CHODL: variants seen among roughly 807,000 people sequenced by gnomAD.
CHODL encodes chondrolectin, also known as transmembrane protein MT75.
Under a neutral mutation model 34.5 loss-of-function variants are expected in CHODL, and 29 were observed. The observed-to-expected ratio is 0.84, with a 90% CI of 0.63 to 1.15. The LOEUF (loss-of-function observed/expected upper bound fraction) is 1.15, where lower values mean the gene tolerates loss of function less well. Ranked by LOEUF, CHODL falls within the 50% of genes most tolerant of loss-of-function variation. The probability of loss-of-function intolerance (pLI) is 0.00; values close to 1 mark genes in which losing one functional copy is unlikely to be tolerated. For synonymous variants in CHODL, 125 were observed against 116.1 expected (o/e 1.08, Z -0.49); for missense variants, 332 against 332.5 (o/e 1.00, Z 0.01).
intron 1 of CHODL, among the ~76,000 whole-genome samples, chr21:17,981,081 G>A (rs1163060608): frequency 2.0e-5 from 3 of 152,184 alleles, no homozygotes; most frequent in Non-Finnish European, 2.9e-5. Context: ...AGTGGTTACT[G>A]TCACTATACA....
intron 2 of CHODL, among the ~76,000 whole-genome samples, chr21:18,071,146 ATTT>A (rs10634402): frequency 2.7e-5 from 3 of 112,648 alleles, no homozygotes; most frequent in Non-Finnish European, 1.7e-5. Flanking sequence ...TAACTACAGC[ATTT>A]TTTTTTTTTT....
chr21:18,188,965 C>T (rs768043715), intron 2 of CHODL, among the ~76,000 whole-genome samples: 10 of 152,314 alleles, frequency 6.6e-5, no homozygotes, highest in South Asian at 2.1e-4. Context: ...ACAGACATTG[C>T]TGGGCAGATG....
intron 2 of CHODL, among the ~76,000 whole-genome samples, chr21:18,194,387 GC>G (rs1410710406): frequency 9.2e-5 from 14 of 152,010 alleles, no homozygotes; most frequent in Non-Finnish European, 1.6e-4. Flanking sequence ...CAGCCCCCTT[GC>G]CCTTTCTGTT....
intron 2 of CHODL, among the ~76,000 whole-genome samples, chr21:18,213,965 T>G (rs2073798771): frequency 6.6e-6 from 1 of 152,042 alleles, no homozygotes; most frequent in South Asian, 2.1e-4. Context: ...TAATAACTAT[T>G]TCTTCTATAC....
intron 2 of CHODL, among the ~76,000 whole-genome samples, chr21:18,186,759 A>G (rs886673750): frequency 6.6e-6 from 1 of 152,248 alleles, no homozygotes; most frequent in African/African-American, 2.4e-5. Context: ...AGGTTAGGTT[A>G]GAATCTTAAT....
chr21:18,186,806 G>A (rs996624802), intron 2 of CHODL, among the ~76,000 whole-genome samples: 5 of 152,110 alleles, frequency 3.3e-5, no homozygotes, highest in African/African-American at 9.7e-5. Flanking sequence ...CTACCTGGTG[G>A]ATATTTTTCT....
rs1555879240 is a variant in CHODL, at chr21:18,174,157, A to ATATATATATATATG, written c.-44-82348_-44-82347insTATATATATGTATA. Reference sequence around the variant, plus strand: ...TATATATATATATATATATATATATATATAAAATCAAGTCTCTCAGAGTAG... The same window carrying ATATATATATATATG: ...TATATATATATATATATATATATATATATATATATATATGTATAAAATCAAGTCTCTCAGAGTAG... On this transcript the variant is annotated intron_variant, in intron 2 of 6. Transcript: ENST00000400127. Among the ~76,000 whole-genome samples the ATATATATATATATG allele has an allele frequency of 1.2e-3, 103 of 88,202 alleles. 5 individuals are homozygous for ATATATATATATATG. The highest frequency in any genetic ancestry group is 5.3e-3 in the East Asian group (17 of 3,210). 57.9% of individuals were successfully genotyped at this position (88,202 alleles called of 152,430 possible). A position where few individuals can be genotyped will look rare whatever the true frequency, so the allele number is the denominator to read the frequency against.
intron 1 of CHODL, among the ~76,000 whole-genome samples, chr21:17,940,536 C>T (rs756235966): frequency 6.6e-6 from 1 of 152,210 alleles, no homozygotes; most frequent in Non-Finnish European, 1.5e-5. Flanking sequence ...GGAAGAAAGG[C>T]TTATAAATAG....
intron 2 of CHODL, among the ~76,000 whole-genome samples, chr21:18,150,149 A>G (rs1039566092): frequency 6.6e-6 from 1 of 152,212 alleles, no homozygotes; most frequent in African/African-American, 2.4e-5. Context: ...GGTTGAGTTT[A>G]TCTAATGACC....
chr21:17,935,497 C>T (rs1361952412), intron 1 of CHODL, among the ~76,000 whole-genome samples: 7 of 152,086 alleles, frequency 4.6e-5, no homozygotes, highest in East Asian at 1.9e-4. Context: ...TTCTGGTGTG[C>T]GTTTAGACAA....
intron 2 of CHODL, among the ~76,000 whole-genome samples, chr21:18,047,466 C>A (rs570812728): frequency 3.8e-4 from 58 of 151,970 alleles, no homozygotes; most frequent in Non-Finnish European, 7.8e-4. Context: ...AAAATACATT[C>A]AATTCCTTTT....
intron 3 of CHODL, among the ~76,000 whole-genome samples, chr21:18,258,660 T>C (rs1219550961): frequency 6.6e-6 from 1 of 152,028 alleles, no homozygotes; most frequent in Middle Eastern, 3.2e-3. Context: ...AAATAATCTA[T>C]ATTTATTAAA....
chr21:18,056,163 G>A lies in CHODL; in HGVS notation c.-45+28192G>A, dbSNP rs79898445. Among the ~76,000 whole-genome samples the A allele has an allele frequency of 7.0e-3, 1,065 of 151,988 alleles. 18 individuals are homozygous for A. Among genetic ancestry groups the A allele is most frequent in the African/African-American group, 0.024 (1,014 of 41,514 alleles). ...TTTTTATTCAATCTCATACTTTAAT[G>A]ATCATTTGGAGGGATGTAGAAATAT... On this transcript the variant is annotated intron_variant, in intron 2 of 6. Coordinates refer to the CHODL transcript ENST00000400127.
intron 1 of CHODL, among the ~76,000 whole-genome samples, chr21:17,976,270 G>GAA (rs71318119): frequency 0.13 from 8,702 of 66,212 alleles, 1,916 homozygotes; most frequent in Non-Finnish European, 0.21. Context: ...GACCATCTCA[G>GAA]AAAAAAAAAA....
chr21:18,082,751 G>C (rs1254612207), intron 2 of CHODL, among the ~76,000 whole-genome samples: 1 of 152,112 alleles, frequency 6.6e-6, no homozygotes, highest in Non-Finnish European at 1.5e-5. Flanking sequence ...TAAGGTATCT[G>C]GCAGAAGAAA....
chr21:18,106,656 G>T (rs531352821), intron 2 of CHODL, among the ~76,000 whole-genome samples: 1 of 151,736 alleles, frequency 6.6e-6, no homozygotes, highest in Non-Finnish European at 1.5e-5. Flanking sequence ...CACCACACCT[G>T]GCCAATTTTT....
intron 2 of CHODL, among the ~76,000 whole-genome samples, chr21:18,106,210 G>A (rs999731906): frequency 8.5e-5 from 13 of 152,148 alleles, no homozygotes; most frequent in African/African-American, 2.7e-4. Context: ...GTCTGACTTG[G>A]TTTAACTTTG....
chr21:17,933,667 C>G (rs2063295168), intron 1 of CHODL, among the ~76,000 whole-genome samples: 1 of 134,102 alleles, frequency 7.5e-6, no homozygotes, highest in African/African-American at 2.4e-5. Context: ...ACAATCCGAT[C>G]TCTCTTTCTT....
chr21:17,954,540 G>A lies in CHODL; in HGVS notation c.-145+37140G>A, dbSNP rs951303334. On this transcript the variant is annotated intron_variant, in intron 1 of 6. Coordinates refer to the CHODL transcript ENST00000400127. ...TAACTAGAACAAAGAGACAGAGGAAGGGAGAATTTGTTCTCTCTGCCTGAC... is the reference window on the plus strand; with the variant it reads ...TAACTAGAACAAAGAGACAGAGGAAAGGAGAATTTGTTCTCTCTGCCTGAC... 2.0e-4 allele frequency among the ~76,000 whole-genome samples: 27 copies of A among 136,174 alleles called. 2 individuals are homozygous for A. The highest frequency in any genetic ancestry group is 5.8e-4 in the African/African-American group (23 of 39,808). 89.3% of individuals were successfully genotyped at this position (136,174 alleles called of 152,430 possible).
Sources: gnomAD v4.1 joint callset for allele counts (sites outside exome capture counted in the v4.1 genomes callset) on GRCh38, gnomAD v4.1.1 for gene constraint, MANE v1.5 for transcripts, NCBI Gene and HGNC (gene_info 2026-07-23, HGNC 2026-07-21) for gene names.